RAP1GAP2: variants seen among roughly 807,000 people sequenced by gnomAD.
RAP1GAP2 encodes the protein RAP1 GTPase activating protein 2.
A neutral mutation model predicts 95.0 loss-of-function variants in RAP1GAP2; 27 were observed. The ratio of observed to expected loss-of-function variants is 0.28; its 90% CI spans 0.21 to 0.39. The LOEUF is 0.39. Ranked by LOEUF, RAP1GAP2 falls within the 10% of genes least tolerant of loss-of-function variation. RAP1GAP2 has a pLI of 1.00. For missense variants in RAP1GAP2, 771 were observed against 970.0 expected, an observed-to-expected ratio of 0.79 and a Z score of 2.72; for synonymous variants, 373 against 380.9, an observed-to-expected ratio of 0.98 and a Z score of 0.24.
intron 17 of RAP1GAP2, among the ~76,000 whole-genome samples, chr17:3,010,021 C>A (rs1261940180): frequency 6.6e-6 from 1 of 152,038 alleles, no homozygotes; most frequent in East Asian, 1.9e-4. Flanking sequence ...ATTCTGCATC[C>A]CTCAGTAAAT....
chr17:2,873,510 AAGC>A (rs1567729424), intron 2 of RAP1GAP2, among the ~76,000 whole-genome samples: 22 of 131,496 alleles, frequency 1.7e-4, no homozygotes, highest in Admixed American at 3.4e-4. Context: ...AAAAAAAAAA[AAGC>A]AGCAGCAGCT....
intron 2 of RAP1GAP2, among the ~76,000 whole-genome samples, chr17:2,864,013 C>T (rs2072520832): frequency 2.0e-5 from 3 of 151,984 alleles, no homozygotes; most frequent in Admixed American, 6.5e-5. Flanking sequence ...GATCGCGCCA[C>T]TGCACTCCAT....
chr17:2,922,960 C>G (rs990103429), intron 3 of RAP1GAP2, among the ~76,000 whole-genome samples: 3 of 151,596 alleles, frequency 2.0e-5, no homozygotes, highest in Admixed American at 2.0e-4. Context: ...CTCACTGCAC[C>G]CTCTGCCTCC....
intron 1 of RAP1GAP2, among the ~76,000 whole-genome samples, chr17:2,798,357 T>C (rs997482950): frequency 3.9e-5 from 6 of 152,144 alleles, no homozygotes; most frequent in Admixed American, 2.6e-4. Flanking sequence ...TCGATGCTTG[T>C]GGACTCATCG....
In RAP1GAP2 at chr17:2,980,276, G is replaced by A. The variant is rs114581050; in HGVS notation, c.597-11G>A. On this transcript the variant is annotated splice_polypyrimidine_tract_variant and intron_variant, in intron 8 of 24. Coordinates refer to ENST00000254695, the MANE Select transcript of RAP1GAP2 (RefSeq NM_015085.5). ...TCTTAGGGATGTCCTTTTTTCTCCC[G>A]TCTTGTGCAGGTCCAAACTGAAGAC... 1.8e-3 allele frequency: 2,897 copies of A among 1,612,442 alleles called. 38 individuals carry two copies. The African/African-American group carries it at 0.032, about 18-fold the overall frequency.
chr17:2,840,823 C>A (rs2071344273), intron 2 of RAP1GAP2, among the ~76,000 whole-genome samples: 1 of 152,032 alleles, frequency 6.6e-6, no homozygotes. Flanking sequence ...TATGGTGACA[C>A]CCTGTCTCTA....
intron 3 of RAP1GAP2, among the ~76,000 whole-genome samples, chr17:2,927,311 G>A (rs975759291): frequency 8.6e-5 from 13 of 152,016 alleles, no homozygotes; most frequent in East Asian, 3.9e-4. Context: ...CCGCCACCGC[G>A]CCCGGCTAAT....
chr17:2,905,233 G>C, intron 2 of RAP1GAP2, 51 bp from the exon 3 acceptor site: 1 of 1,547,166 alleles, frequency 6.5e-7, no homozygotes, highest in Non-Finnish European at 8.9e-7. Flanking sequence ...TTGGAGGAGA[G>C]AAGGGAAGGC....
At chr17:2,949,815 A>G (rs1250525529) in intron 3 of RAP1GAP2, among the ~76,000 whole-genome samples, 1 of 151,724 alleles carries the variant, frequency 6.6e-6, no homozygotes, top group African/African-American at 2.4e-5. Context: ...GGAAAAGGAG[A>G]CTCACTCCCT....
chr17:2,861,341 G>A (rs1387451421), intron 2 of RAP1GAP2, among the ~76,000 whole-genome samples: 1 of 151,920 alleles, frequency 6.6e-6, no homozygotes, highest in Non-Finnish European at 1.5e-5. Flanking sequence ...CGGGAACTTT[G>A]CCTTCTTTAC....
At chr17:2,989,025 C>T (rs1400151472) in intron 11 of RAP1GAP2, among the ~76,000 whole-genome samples, 1 of 152,180 alleles carries the variant, frequency 6.6e-6, no homozygotes, top group East Asian at 1.9e-4. Flanking sequence ...CACCACTGCA[C>T]TCTAGCCTGG....
chr17:2,930,225 C>T (rs1184372204), intron 3 of RAP1GAP2, among the ~76,000 whole-genome samples: 2 of 152,230 alleles, frequency 1.3e-5, no homozygotes, highest in Non-Finnish European at 1.5e-5. Flanking sequence ...GACCTTCCTA[C>T]AGTGGCTCAC....
At chr17:2,782,150 C>T (rs780755745) in intron 1 of RAP1GAP2, among the ~76,000 whole-genome samples, 3 of 152,198 alleles carry the variant, frequency 2.0e-5, no homozygotes, top group Non-Finnish European at 2.9e-5. Context: ...CCCCATCCCG[C>T]CCTCTCTCCA....
chr17:2,920,591 G>T (rs1012278813), intron 3 of RAP1GAP2, among the ~76,000 whole-genome samples: 13 of 152,170 alleles, frequency 8.5e-5, no homozygotes, highest in Admixed American at 3.3e-4. Context: ...TGTGGACCTC[G>T]GTTTCCTCAT....
intron 17 of RAP1GAP2, among the ~76,000 whole-genome samples, chr17:3,017,786 A>T (rs2046819240): frequency 6.6e-6 from 1 of 151,968 alleles, no homozygotes; most frequent in South Asian, 2.1e-4. Context: ...CGTGCAGGGG[A>T]GCTGGGGCGC....
At chr17:2,897,915 C>T (rs1231119539) in intron 2 of RAP1GAP2, among the ~76,000 whole-genome samples, 2 of 120,356 alleles carry the variant, frequency 1.7e-5, no homozygotes, top group East Asian at 2.4e-4. Flanking sequence ...GCAATTTCTG[C>T]GGAGTCTTTT....
chr17:2,912,180 A>G (rs925433535), intron 3 of RAP1GAP2, among the ~76,000 whole-genome samples: 1 of 152,120 alleles, frequency 6.6e-6, no homozygotes, highest in African/African-American at 2.4e-5. Context: ...AGGGAAGAGG[A>G]TGGAGATCAG....
chr17:2,898,593 C>T (rs1054698148), intron 2 of RAP1GAP2, among the ~76,000 whole-genome samples: 3 of 152,218 alleles, frequency 2.0e-5, no homozygotes, highest in Admixed American at 1.3e-4. Context: ...GCTGGGCTCC[C>T]GTGTCCCTGT....
At position 3,030,941 on chromosome 17, in the gene RAP1GAP2, C is replaced by T. The variant is rs747135288; in HGVS notation, c.2127C>T (p.Ser709=). ...RSPTDAKSRN[S]PRSNLKFRFD... ...TCTTAGATGCCAAAAGCAGAAACTC[C>T]CCGAGATCGAACCTGAAATTCCGCT... Residue 709 remains serine, a synonymous_variant, in exon 23 of 25, where the codon TCC becomes TCT. Coordinates refer to ENST00000254695, the MANE Select transcript of RAP1GAP2 (RefSeq NM_015085.5). 1.2e-6 allele frequency: 2 copies of T among 1,611,032 alleles called. No homozygotes were observed. The highest frequency in any genetic ancestry group is 1.7e-6 in the Non-Finnish European group (2 of 1,178,834).
Sources: gnomAD v4.1 joint callset for allele counts (sites outside exome capture counted in the v4.1 genomes callset) on GRCh38, gnomAD v4.1.1 for gene constraint, MANE v1.5 for transcripts, NCBI Gene and HGNC (gene_info 2026-07-23, HGNC 2026-07-21) for gene names.